Variants in MBP observed in about 807,000 individuals in gnomAD.
MBP encodes the protein Golli-MBP.
In MBP, 16 loss-of-function variants were observed where a neutral mutation model predicts 35.8. That is an observed-to-expected ratio of 0.45 (90% CI 0.30 to 0.68). The LOEUF is 0.68. Ranked by LOEUF, MBP falls within the 30% of genes least tolerant of loss-of-function variation. The probability of loss-of-function intolerance (pLI) is 0.08; values close to 1 mark genes in which losing one functional copy is unlikely to be tolerated. For synonymous variants in MBP, 143 were observed against 159.6 expected, an observed-to-expected ratio of 0.90 and a Z score of 0.78; for missense variants, 380 against 404.7, an observed-to-expected ratio of 0.94 and a Z score of 0.52.
chr18:77,006,017 C>T (rs1183545610), intron 4 of MBP: 5 of 152,342 alleles, frequency 3.3e-5, no homozygotes, highest in Non-Finnish European at 7.3e-5. Context: ...AAGACAGACA[C>T]CTGCCCCAGG....
chr18:77,051,954 C>T (rs926965847), intron 3 of MBP, among the ~76,000 whole-genome samples: 5 of 152,114 alleles, frequency 3.3e-5, no homozygotes, highest in African/African-American at 1.2e-4. Flanking sequence ...TCTGAGAAAC[C>T]CAGGGACATG....
intron 1 of MBP, among the ~76,000 whole-genome samples, chr18:77,118,889 CACACACCACACACACAGCCACA>C (rs1463163296): frequency 6.6e-6 from 1 of 151,836 alleles, no homozygotes; most frequent in African/African-American, 2.4e-5. Context: ...ACACACCAGA[CACACACCACACACACAGCCACA>C]ACACACCACA....
intron 3 of MBP, among the ~76,000 whole-genome samples, chr18:77,033,761 T>C (rs1180363316): frequency 3.4e-5 from 1 of 29,834 alleles, no homozygotes; most frequent in African/African-American, 8.8e-5. Context: ...AATCCACCCA[T>C]CCATCCATCC....
chr18:77,120,350 GA>G (rs1976852624), intron 1 of MBP, among the ~76,000 whole-genome samples: 1 of 152,232 alleles, frequency 6.6e-6, no homozygotes, highest in Non-Finnish European at 1.5e-5. Flanking sequence ...GGAGGCTGCA[GA>G]GGGGCAGCTG....
At chr18:77,066,615 G>C (rs775679072) in intron 2 of MBP, 5 of 729,450 alleles carry the variant, frequency 6.9e-6, no homozygotes, top group Non-Finnish European at 1.3e-5. Flanking sequence ...GACCCAGTTG[G>C]TATAGTTTTA....
At chr18:77,088,483 TCA>T (rs1044415994) in intron 2 of MBP, among the ~76,000 whole-genome samples, 13 of 152,224 alleles carry the variant, frequency 8.5e-5, no homozygotes, top group African/African-American at 3.1e-4. Flanking sequence ...TTTAATGTTG[TCA>T]CAGGCCCATA....
chr18:77,086,083 G>T (rs1385607349), intron 2 of MBP, among the ~76,000 whole-genome samples: 1 of 152,184 alleles, frequency 6.6e-6, no homozygotes, highest in Admixed American at 6.5e-5. Context: ...CTTACCTAAA[G>T]GAGCAAACTC....
intron 1 of MBP, among the ~76,000 whole-genome samples, chr18:77,119,651 C>T (rs1976826918): frequency 6.6e-6 from 1 of 152,192 alleles, no homozygotes; most frequent in Non-Finnish European, 1.5e-5. Flanking sequence ...GGAGAAGAGA[C>T]CACCTGGTGA....
intron 2 of MBP, among the ~76,000 whole-genome samples, chr18:77,074,179 G>A (rs1396284721): frequency 6.6e-6 from 1 of 152,144 alleles, no homozygotes; most frequent in Non-Finnish European, 1.5e-5. Context: ...CCACGTGGGG[G>A]CTTCAATTTT....
chr18:77,024,940 C>T (rs902298712), intron 3 of MBP, among the ~76,000 whole-genome samples: 3 of 152,238 alleles, frequency 2.0e-5, no homozygotes, highest in Non-Finnish European at 4.4e-5. Context: ...CTCCCACAAA[C>T]GCTGCCTTCC....
intron 4 of MBP, chr18:77,014,667 G>C (rs574907838): frequency 1.0e-6 from 1 of 985,424 alleles, no homozygotes; most frequent in East Asian, 1.1e-4. Flanking sequence ...GCTGGGTGTA[G>C]AGAGAGTTAA....
At chr18:77,009,348 C>T (rs1208558613) in intron 4 of MBP, among the ~76,000 whole-genome samples, 1 of 152,240 alleles carries the variant, frequency 6.6e-6, no homozygotes, top group Non-Finnish European at 1.5e-5. Context: ...CAGGTGAGGA[C>T]AGAGCCCAGA....
chr18:76,993,255 A>G (rs1970053876), intron 4 of MBP, among the ~76,000 whole-genome samples: 1 of 152,228 alleles, frequency 6.6e-6, no homozygotes, highest in Non-Finnish European at 1.5e-5. Context: ...GAGGAATGAA[A>G]GAGGGATCCC....
intron 3 of MBP, among the ~76,000 whole-genome samples, chr18:77,036,818 AG>A (rs1360841730): frequency 4.9e-5 from 7 of 141,668 alleles, no homozygotes; most frequent in East Asian, 2.2e-4. Flanking sequence ...CACGTTTTGG[AG>A]GACTGAGCTG....
intron 3 of MBP, among the ~76,000 whole-genome samples, chr18:77,048,984 G>A (rs1199843352): frequency 2.0e-5 from 3 of 149,980 alleles, no homozygotes; most frequent in African/African-American, 4.9e-5. Flanking sequence ...CAGTGGCATG[G>A]TGTCAGCTCA....
chr18:76,987,314 A>G, intron 7 of MBP: 1 of 985,458 alleles, frequency 1.0e-6, no homozygotes, highest in Non-Finnish European at 1.2e-6. Context: ...ATTAATTGTG[A>G]GTACTAGTCC....
intron 3 of MBP, among the ~76,000 whole-genome samples, chr18:77,047,134 G>A (rs1429109905): frequency 2.0e-5 from 3 of 152,342 alleles, no homozygotes; most frequent in Non-Finnish European, 1.5e-5. Flanking sequence ...ACCACGGCTG[G>A]GTGCCTGCCC....
chr18:77,032,949 T>C (rs1972595043), intron 3 of MBP, among the ~76,000 whole-genome samples: 1 of 152,192 alleles, frequency 6.6e-6, no homozygotes, highest in Non-Finnish European at 1.5e-5. Context: ...GAGGCCAATA[T>C]GGCTGACTTT....
chr18:77,045,519 C>T (rs765369252), intron 3 of MBP, among the ~76,000 whole-genome samples: 1 of 152,256 alleles, frequency 6.6e-6, no homozygotes, highest in South Asian at 2.1e-4. Flanking sequence ...CCAGCAGAGA[C>T]ATTTGCATGT....
Sources: gnomAD v4.1 joint callset for allele counts (sites outside exome capture counted in the v4.1 genomes callset) on GRCh38, gnomAD v4.1.1 for gene constraint, MANE v1.5 for transcripts, NCBI Gene and HGNC (gene_info 2026-07-23, HGNC 2026-07-21) for gene names.